SDK2: variants seen among roughly 807,000 people sequenced by gnomAD.
SDK2 encodes the protein sidekick cell adhesion molecule 2, also known as protein sidekick-2.
SDK2 carries 105 observed loss-of-function variants against 253.9 expected under a neutral mutation model. That is an observed-to-expected ratio of 0.41 (90% CI 0.35 to 0.49). SDK2 has a LOEUF of 0.49. Among genes scored for constraint, SDK2 ranks in the 20% least tolerant of loss-of-function variants. The pLI, the probability that SDK2 is intolerant of heterozygous loss-of-function variation, is 0.06. For synonymous variants in SDK2, 1,249 were observed against 1,234.9 expected (o/e 1.01, Z -0.24); for missense variants, 2,608 against 3,003.0 (o/e 0.87, Z 3.07).
Position 73,352,667 on chromosome 17 carries a change from G to A in SDK2, c.5594-30C>T, listed in dbSNP as rs774216858. On this transcript the variant is annotated intron_variant, in intron 40 of 44. Coordinates refer to ENST00000392650, the MANE Select transcript of SDK2 (RefSeq NM_001144952.2). The surrounding 1 kb of genome is among the most constrained non-coding windows in gnomAD (Gnocchi z 4.1). ...AGGAGCACAGAGATGGAGGCCCTGG[G>A]AGGTGAGGGGAAGCCCCAAATCCCG... The A allele has an allele frequency of 3.1e-6, 5 of 1,609,984 alleles. No homozygotes were observed. In the South Asian group the frequency reaches 5.5e-5, roughly 18 times the overall value.
chr17:73,341,786 A>G (rs561111442), intron 44 of SDK2, among the ~76,000 whole-genome samples: 1 of 152,154 alleles, frequency 6.6e-6, no homozygotes, highest in Non-Finnish European at 1.5e-5. Context: ...AATGAATAGA[A>G]CTATAATGAT....
rs1044001680 is a variant in SDK2 at position 73,534,897 on chromosome 17, G to A, written c.65-27300C>T. ...TGGGGATACTGGATACTCTGCGATC[G>A]GCCGATCAGCCCGCTACTGGGTCTA... On this transcript the variant is annotated intron_variant, in intron 1 of 44. Coordinates refer to ENST00000392650, the MANE Select transcript of SDK2 (RefSeq NM_001144952.2). The surrounding 1 kb of genome is among the most constrained non-coding windows in gnomAD (Gnocchi z 4.9). Among the ~76,000 whole-genome samples, 1 of 152,120 alleles carries A rather than the reference G, an allele frequency of 6.6e-6. No homozygotes were observed. The highest frequency in any genetic ancestry group is 6.5e-5 in the Admixed American group (1 of 15,278).
rs547822956 is a variant in SDK2 at position 73,338,441 on chromosome 17, T to C, written c.*146A>G. 9.0e-4 allele frequency: 636 copies of C among 708,992 alleles called. 1 individual carries two copies. In the African/African-American group the frequency reaches 0.01, roughly 11 times the overall value. 43.9% of individuals were successfully genotyped at this position (708,992 alleles called of 1,614,324 possible). On this transcript the variant is annotated 3_prime_UTR_variant, in exon 45 of 45. Coordinates refer to ENST00000392650, the MANE Select transcript of SDK2 (RefSeq NM_001144952.2). This position sits in a 1 kb window ranked among gnomAD's most constrained non-coding sequence, Gnocchi z 5.0. ...CCCTCCTTCTGAACGCCGGCTTTGC[T>C]GGCCCTGGAATCTCTGGAAAAATAA...
intron 44 of SDK2, 77 bp downstream of exon 44, chr17:73,348,522 C>A: frequency 6.6e-7 from 1 of 1,519,946 alleles, no homozygotes; most frequent in Non-Finnish European, 8.9e-7. Context: ...GGAAGAAAGC[C>A]CATCTACGTT....
At chr17:73,370,364 T>C (rs1437353024) in intron 36 of SDK2, among the ~76,000 whole-genome samples, 1 of 151,974 alleles carries the variant, frequency 6.6e-6, no homozygotes, top group African/African-American at 2.4e-5. Flanking sequence ...CACCTCAGCC[T>C]CCTGAGTGGC....
intron 1 of SDK2, among the ~76,000 whole-genome samples, chr17:73,578,781 C>T (rs1346270285): frequency 6.6e-6 from 1 of 152,158 alleles, no homozygotes; most frequent in Admixed American, 6.5e-5. Context: ...CTTATCCACC[C>T]AGCCATTCGC....
rs1403680486 is a variant in SDK2 at position 73,443,081 on chromosome 17, G to A, written c.614-2158C>T. ...CCCTTTCCAGAAGGTTCTGGAGGTA[G>A]TAGGCCATGATGACATGCTGGGCCC... On this transcript the variant is annotated intron_variant, in intron 5 of 44. Transcript: ENST00000392650. This position sits in a 1 kb window ranked among gnomAD's most constrained non-coding sequence, Gnocchi z 4.6. Among the ~76,000 whole-genome samples the A allele has an allele frequency of 2.0e-5, 3 of 152,094 alleles. No individual in the cohort carries two copies. The highest frequency in any genetic ancestry group is 4.4e-5 in the Non-Finnish European group (3 of 68,022).
chr17:73,579,793 A>G (rs2045508504), intron 1 of SDK2, among the ~76,000 whole-genome samples: 1 of 152,106 alleles, frequency 6.6e-6, no homozygotes, highest in African/African-American at 2.4e-5. Context: ...CCTGGCCAAC[A>G]TGGTGAAACC....
chr17:73,472,423 C>G (rs762932776), intron 2 of SDK2, among the ~76,000 whole-genome samples: 5 of 152,194 alleles, frequency 3.3e-5, no homozygotes, highest in Non-Finnish European at 2.9e-5. Context: ...GCCAATGAGG[C>G]CTTTGCTCAG....
At chr17:73,471,285 G>A (rs2145693166) in intron 3 of SDK2, among the ~76,000 whole-genome samples, 1 of 152,276 alleles carries the variant, frequency 6.6e-6, no homozygotes, top group Non-Finnish European at 1.5e-5. Flanking sequence ...CTCCAGGGTT[G>A]AGCGAGTTGG....
At position 73,438,197 on chromosome 17, in the gene SDK2, C is replaced by T. The variant is rs775690926; in HGVS notation, c.726-43G>A. On this transcript the variant is annotated intron_variant, in intron 6 of 44. Transcript: ENST00000392650. ...AGGCCAGTGTTCAGCCATGAGGACT[C>T]CCAGAGGCCTGAGAGGCAGGGCAGG... 4.0e-4 allele frequency: 602 copies of T among 1,515,106 alleles called. 2 individuals carry two copies. Among genetic ancestry groups the T allele is most frequent in the Non-Finnish European group, 2.3e-4 (263 of 1,119,712 alleles). 93.9% of individuals were successfully genotyped at this position (1,515,106 alleles called of 1,614,324 possible). A position where few individuals can be genotyped will look rare whatever the true frequency, so the allele number is the denominator to read the frequency against.
intron 2 of SDK2, among the ~76,000 whole-genome samples, chr17:73,500,955 C>A (rs1418308571): frequency 6.6e-6 from 1 of 152,218 alleles, no homozygotes; most frequent in African/African-American, 2.4e-5. Flanking sequence ...GTCATTTCTC[C>A]AGCCAGGGGG....
Position 73,553,502 on chromosome 17 carries a change from C to T in SDK2, c.65-45905G>A, listed in dbSNP as rs1301674512. ...AGTCACCCCCAAGCCCTGCCGGCTG[C>T]ACCTATTCCTATGATGGTGTTTCCT... On this transcript the variant is annotated intron_variant, in intron 1 of 44. Transcript: ENST00000392650. Among the ~76,000 whole-genome samples, 6 of 152,174 alleles carry T rather than the reference C, an allele frequency of 3.9e-5. No individual in the cohort carries two copies. The South Asian group carries it at 6.2e-4, about 16-fold the overall frequency.
At chr17:73,456,355 C>G (rs1193738275) in intron 3 of SDK2, among the ~76,000 whole-genome samples, 1 of 152,140 alleles carries the variant, frequency 6.6e-6, no homozygotes, top group African/African-American at 2.4e-5. Flanking sequence ...AAATGGGCTC[C>G]GAGAGGTTAG....
At chr17:73,587,418 T>A (rs1362609022) in intron 1 of SDK2, among the ~76,000 whole-genome samples, 1 of 152,222 alleles carries the variant, frequency 6.6e-6, no homozygotes, top group African/African-American at 2.4e-5. Context: ...GGGCGCCCTC[T>A]GGCACGCCTC....
rs754667948 is a variant in SDK2, at chr17:73,401,680, G to A, written c.2753C>T (p.Pro918Leu). Residue 918 changes from proline (P) to leucine (L), a missense_variant, in exon 20 of 45, where the codon CCG (proline) becomes CTG (leucine). Pro to Leu is a moderately conservative substitution (Grantham distance 98). This residue lies in a region of SDK2 where 1,505 missense variants were observed against 1,859.1 expected (regional missense o/e 0.81). Coordinates refer to ENST00000392650, the MANE Select transcript of SDK2 (RefSeq NM_001144952.2). ...DTSLKVSWQE[P>L]GEKNGILTGY... ...TGTGAGGATGCCATTTTTCTCTCCC[G>A]GCTCTTGCCAGCTGACCTTCAGCGA... 5.0e-6 allele frequency: 8 copies of A among 1,594,340 alleles called. No individual in the cohort carries two copies. Among genetic ancestry groups the A allele is most frequent in the African/African-American group, 1.3e-5 (1 of 74,650 alleles).
intron 3 of SDK2, among the ~76,000 whole-genome samples, chr17:73,461,604 G>A (rs2063562911): frequency 6.6e-6 from 1 of 152,142 alleles, no homozygotes; most frequent in Non-Finnish European, 1.5e-5. Flanking sequence ...GCAGTGCCAT[G>A]GATTTGTTCA....
rs35928335 is a variant in SDK2 at position 73,387,871 on chromosome 17, G to A, written c.4359C>T (p.Ser1453=). ...PSGRWALHSA[S]VSHNASSFIV... The stretch of plus-strand genomic sequence containing the variant: ...TGAAGCTGGAGGCATTGTGGCTCAC[G>A]GAGGCCGAGTGCAGTGCCCACCTGC... Residue 1453 remains serine, a synonymous_variant, in exon 30 of 45, where the codon TCC becomes TCT. Transcript: ENST00000392650. 82,846 of 1,586,236 alleles carry A rather than the reference G, an allele frequency of 0.052. 2,354 individuals carry two copies. The highest frequency in any genetic ancestry group is 0.089 in the Middle Eastern group (527 of 5,952).
At chr17:73,470,697 C>G (rs2063643560) in intron 3 of SDK2, among the ~76,000 whole-genome samples, 1 of 152,192 alleles carries the variant, frequency 6.6e-6, no homozygotes, top group Admixed American at 6.5e-5. Flanking sequence ...CTTTGCCTCA[C>G]TTGAGATTTT....
Sources: allele counts gnomAD v4.1 joint callset (sites outside exome capture counted in the v4.1 genomes callset), GRCh38; gene constraint gnomAD v4.1.1; regional missense constraint gnomAD v4.1.1; non-coding constraint Gnocchi (gnomAD v3.1); transcripts MANE v1.5; gene names NCBI Gene and HGNC (gene_info 2026-07-23, HGNC 2026-07-21).